PRKAG1: variants seen among roughly 807,000 people sequenced by gnomAD.
PRKAG1 encodes the protein 5'-AMP-activated protein kinase subunit gamma-1.
A neutral mutation model predicts 48.2 loss-of-function variants in PRKAG1; 27 were observed. The ratio of observed to expected loss-of-function variants is 0.56; its 90% confidence interval spans 0.41 to 0.77. The LOEUF is 0.77. Among genes scored for constraint, PRKAG1 ranks in the 30% least tolerant of loss-of-function variants. PRKAG1 has a pLI of 0.00. For synonymous variants in PRKAG1, 130 were observed against 147.7 expected (o/e 0.88, Z 0.87); for missense variants, 287 against 398.3 (o/e 0.72, Z 2.38).
At chr12:49,012,869 A>C (rs1003863004) in intron 2 of PRKAG1, 193 bp downstream of exon 2, 2 of 579,194 alleles carry the variant, frequency 3.5e-6, no homozygotes, top group Non-Finnish European at 6.2e-6. Context: ...TGAAGATATT[A>C]ATCATCCCCA....
At chr12:49,009,895 G>A (rs1160535837) in intron 2 of PRKAG1, among the ~76,000 whole-genome samples, 9 of 152,326 alleles carry the variant, frequency 5.9e-5, no homozygotes, top group Admixed American at 3.9e-4. Context: ...TTACAGGCGT[G>A]AGCCACCGTG....
intron 1 of PRKAG1, among the ~76,000 whole-genome samples, chr12:49,015,518 G>A (rs1941931113): frequency 6.6e-6 from 1 of 152,208 alleles, no homozygotes; most frequent in Non-Finnish European, 1.5e-5. Flanking sequence ...GAAACATAGA[G>A]CTAACTAGAG....
intron 2 of PRKAG1, among the ~76,000 whole-genome samples, chr12:49,012,334 A>G (rs1478830279): frequency 6.6e-6 from 1 of 150,702 alleles, no homozygotes; most frequent in Non-Finnish European, 1.5e-5. Flanking sequence ...TAGTGCTTCT[A>G]TTACTAGATT....
intron 2 of PRKAG1, among the ~76,000 whole-genome samples, chr12:49,008,815 G>A (rs1349721277): frequency 1.3e-5 from 2 of 152,170 alleles, no homozygotes; most frequent in Non-Finnish European, 2.9e-5. Flanking sequence ...CTTTTTGTAT[G>A]TGACTTTTTT....
rs1565733760 is a variant in PRKAG1 at position 49,005,452 on chromosome 12, T to TTTTGCTTACCCACAAAAC, written c.242_250+9dup. On this transcript the variant is annotated intron_variant, in intron 4 of 11. Coordinates refer to ENST00000548065, the MANE Select transcript of PRKAG1 (RefSeq NM_002733.5). This position sits in a 1 kb window ranked among gnomAD's most constrained non-coding sequence, Gnocchi z 4.1. ...GCCAATAATATTGTGTTCCAGAAACTTTTGCTTACCCACAAAACTTTGCTT... is the reference window on the plus strand; with the variant it reads ...GCCAATAATATTGTGTTCCAGAAACTTTTGCTTACCCACAAAACTTTGCTTACCCACAAAACTTTGCTT... The TTTTGCTTACCCACAAAAC allele has an allele frequency of 1.9e-6, 3 of 1,613,912 alleles. No individual in the cohort carries two copies. Among genetic ancestry groups the TTTTGCTTACCCACAAAAC allele is most frequent in the Non-Finnish European group, 2.5e-6 (3 of 1,180,030 alleles).
rs765764345 is a variant in PRKAG1 at position 49,013,014 on chromosome 12, G to A, written c.58+48C>T. ...AAGCATTGTTGAAGACATTGTTAGG[G>A]TCAGGCTATTGTTTTCATGCCCAGT... On this transcript the variant is annotated intron_variant, in intron 2 of 11. Coordinates refer to ENST00000548065, the MANE Select transcript of PRKAG1 (RefSeq NM_002733.5). 8.5e-6 allele frequency: 13 copies of A among 1,524,174 alleles called. 1 individual carries two copies. Among genetic ancestry groups the A allele is most frequent in the South Asian group, 5.6e-5 (5 of 89,076 alleles). 94.4% of individuals were successfully genotyped at this position (1,524,174 alleles called of 1,614,324 possible).
Position 49,005,686 on chromosome 12 carries a change from T to G in PRKAG1, c.168+57A>C. On this transcript the variant is annotated intron_variant, in intron 3 of 11. Coordinates refer to ENST00000548065, the MANE Select transcript of PRKAG1 (RefSeq NM_002733.5). This position sits in a 1 kb window ranked among gnomAD's most constrained non-coding sequence, Gnocchi z 4.1. ...ATATTACCCTTAGGATGAGATAGGA[T>G]GAGAGGTATTAAACCACAGGCTCCA... 6.2e-7 allele frequency: 1 copy of G among 1,607,506 alleles called. No homozygotes were observed. The highest frequency in any genetic ancestry group is 8.5e-7 in the Non-Finnish European group (1 of 1,174,278).
rs1157362553 is a variant in PRKAG1, at chr12:49,005,242, GA to G, written c.309+63del. The G allele has an allele frequency of 6.2e-7, 1 of 1,612,920 alleles. No individual in the cohort carries two copies. Among genetic ancestry groups the G allele is most frequent in the African/African-American group, 1.3e-5 (1 of 74,890 alleles). On this transcript the variant is annotated intron_variant, in intron 5 of 11. Transcript: ENST00000548065. This position sits in a 1 kb window ranked among gnomAD's most constrained non-coding sequence, Gnocchi z 4.1. ...CCCTCGTGGCTTGCTTGGAGAAAAA[GA>G]AATGAGAATGAGGGATTTAGGGCAG... is the stretch of plus-strand genomic sequence containing the variant.
intron 1 of PRKAG1, among the ~76,000 whole-genome samples, chr12:49,014,454 A>C (rs1941888069): frequency 6.6e-6 from 1 of 152,232 alleles, no homozygotes; most frequent in Non-Finnish European, 1.5e-5. Context: ...TTATTAAAAC[A>C]TGGAAGCCAG....
In PRKAG1 at chr12:49,005,629, A is replaced by C. The variant is rs750653558; in HGVS notation, c.169-86T>G. ...GAACAGTGTTTGGGCATGTTGGGTA[A>C]AACATGAGACTAACTTCACAGAAGG... On this transcript the variant is annotated intron_variant, in intron 3 of 11. Coordinates refer to ENST00000548065, the MANE Select transcript of PRKAG1 (RefSeq NM_002733.5). The surrounding 1 kb of genome is among the most constrained non-coding windows in gnomAD (Gnocchi z 4.1). 1 of 1,612,918 alleles carries C rather than the reference A, an allele frequency of 6.2e-7. No homozygotes were observed. Among genetic ancestry groups the C allele is most frequent in the South Asian group, 1.1e-5 (1 of 90,928 alleles).
At chr12:49,017,451 A>C (rs1942036023) in intron 1 of PRKAG1, 2 of 313,822 alleles carry the variant, frequency 6.4e-6, no homozygotes. Flanking sequence ...AGCTCAAGCA[A>C]TCCACTTGCC....
intron 1 of PRKAG1, among the ~76,000 whole-genome samples, chr12:49,016,344 A>G (rs1016847881): frequency 6.6e-6 from 1 of 152,208 alleles, no homozygotes. Context: ...TAGACTCGCA[A>G]TTTCTTCCAA....
In PRKAG1 at chr12:49,009,120, C is replaced by CTT. The variant is rs1173409489; in HGVS notation, c.59-3270_59-3269dup. 2.2e-3 allele frequency among the ~76,000 whole-genome samples: 287 copies of CTT among 133,074 alleles called. 1 individual carries two copies. Among genetic ancestry groups the CTT allele is most frequent in the African/African-American group, 6.3e-3 (226 of 35,620 alleles). The allele number at this position is 133,074 out of a possible 152,430, so 87.3% of individuals were successfully genotyped here. A position where few individuals can be genotyped will look rare whatever the true frequency, so the allele number is the denominator to read the frequency against. On this transcript the variant is annotated intron_variant, in intron 2 of 11. Transcript: ENST00000548065. ...GTGGGTTGTTGGAATCTTTCCTCTCCTTTTTTTTTTTTTTTTTTAAAGAGA... is the reference window on the plus strand; with the variant it reads ...GTGGGTTGTTGGAATCTTTCCTCTCCTTTTTTTTTTTTTTTTTTTTAAAGAGA...
intron 2 of PRKAG1, among the ~76,000 whole-genome samples, chr12:49,007,727 CATCT>C (rs1357161577): frequency 6.6e-6 from 1 of 151,648 alleles, no homozygotes; most frequent in African/African-American, 2.4e-5. Context: ...CATTATTTAT[CATCT>C]ATCTACCAAA....
At chr12:49,014,448 T>G (rs1175238186) in intron 1 of PRKAG1, among the ~76,000 whole-genome samples, 1 of 152,158 alleles carries the variant, frequency 6.6e-6, no homozygotes, top group African/African-American at 2.4e-5. Context: ...TCTACTTTAT[T>G]AAAACATGGA....
intron 7 of PRKAG1, 78 bp downstream of exon 7, chr12:49,004,886 C>G: frequency 7.9e-7 from 1 of 1,264,964 alleles, no homozygotes; most frequent in South Asian, 1.2e-5. Context: ...TTCCCCTTTC[C>G]CTGGGTGTCT....
At chr12:49,006,077 T>G (rs987587751) in intron 2 of PRKAG1, among the ~76,000 whole-genome samples, 7 of 152,224 alleles carry the variant, frequency 4.6e-5, no homozygotes, top group African/African-American at 1.7e-4. Flanking sequence ...CTTTATCTAT[T>G]GGTCCCTATA....
At chr12:49,017,305 A>C (rs1942024622) in intron 1 of PRKAG1, 1 of 434,432 alleles carries the variant, frequency 2.3e-6, no homozygotes, top group Non-Finnish European at 4.6e-6. Flanking sequence ...GGATCAAGCG[A>C]TCCTCCCACC....
At chr12:49,015,948 CTTTTT>C (rs67495781) in intron 1 of PRKAG1, among the ~76,000 whole-genome samples, 1 of 142,552 alleles carries the variant, frequency 7.0e-6, no homozygotes. Context: ...TCCTTTCTAC[CTTTTT>C]TTTTTTTTTT....
Sources: allele counts gnomAD v4.1 joint callset (sites outside exome capture counted in the v4.1 genomes callset), GRCh38; gene constraint gnomAD v4.1.1; non-coding constraint Gnocchi (gnomAD v3.1); transcripts MANE v1.5; gene names NCBI Gene and HGNC (gene_info 2026-07-23, HGNC 2026-07-21).